GALNTL6: variants seen among roughly 807,000 people sequenced by gnomAD.
GALNTL6 encodes polypeptide N-acetylgalactosaminyltransferase like 6, also known as polypeptide N-acetylgalactosaminyltransferase-like 6.
GALNTL6 carries 46 observed loss-of-function variants against 73.7 expected under a neutral mutation model. The observed-to-expected ratio is 0.62, with a 90% CI of 0.49 to 0.80. GALNTL6 has a LOEUF of 0.80. GALNTL6 is among the 30% of genes least tolerant of loss of function. GALNTL6 has a pLI of 0.00. For synonymous variants in GALNTL6, 259 were observed against 263.7 expected (o/e 0.98, Z 0.17); for missense variants, 604 against 755.0 (o/e 0.80, Z 2.34).
chr4:172,239,740 CTT>C (rs751439189), intron 3 of GALNTL6, among the ~76,000 whole-genome samples: 37 of 152,198 alleles, frequency 2.4e-4, no homozygotes, highest in East Asian at 3.9e-4. Context: ...AAACTTTCCT[CTT>C]AATGCTGCGT....
Position 172,809,599 on chromosome 4 carries a change from G to C in GALNTL6, c.739+53G>C, listed in dbSNP as rs1741178509. The C allele has an allele frequency of 4.2e-6, 6 of 1,439,658 alleles. No homozygotes were observed. The highest frequency in any genetic ancestry group is 5.7e-6 in the Non-Finnish European group (6 of 1,060,298). The allele number at this position is 1,439,658 out of a possible 1,614,324, so 89.2% of individuals were successfully genotyped here. A position where few individuals can be genotyped will look rare whatever the true frequency, so the allele number is the denominator to read the frequency against. On this transcript the variant is annotated intron_variant, in intron 6 of 12. Transcript: ENST00000506823. This position sits in a 1 kb window ranked among gnomAD's most constrained non-coding sequence, Gnocchi z 4.4. ...TGGGATGCCTCAGGGGAACTGAGCG[G>C]TTTGCTTCTATTTAGTTTGCAATCA...
rs541425282 is a variant in GALNTL6, at chr4:172,644,730, G to A, written c.554-164631G>A. Among the ~76,000 whole-genome samples, 115 of 151,888 alleles carry A rather than the reference G, an allele frequency of 7.6e-4. 1 individual carries two copies. The South Asian group carries it at 0.016, about 21-fold the overall frequency. Reference sequence around the variant, plus strand: ...AGATATATGTGTCTGTATATGGAGCGAAAGAAACAAAAAGGGGGTGGGTGA... The same window carrying A: ...AGATATATGTGTCTGTATATGGAGCAAAAGAAACAAAAAGGGGGTGGGTGA... On this transcript the variant is annotated intron_variant, in intron 5 of 12. Transcript: ENST00000506823.
intron 5 of GALNTL6, among the ~76,000 whole-genome samples, chr4:172,439,172 T>TCACACACA (rs57281407): frequency 7.2e-4 from 105 of 145,728 alleles, no homozygotes; most frequent in East Asian, 5.7e-3. Context: ...TCTCTCCCCT[T>TCACACACA]CACACACACA....
chr4:172,145,105 G>A (rs997758076), intron 2 of GALNTL6, among the ~76,000 whole-genome samples: 1 of 151,910 alleles, frequency 6.6e-6, no homozygotes, highest in East Asian at 1.9e-4. Flanking sequence ...CCACAGCTGG[G>A]AGCCACCACA....
At chr4:172,112,995 T>C (rs998689936) in intron 2 of GALNTL6, among the ~76,000 whole-genome samples, 2 of 151,980 alleles carry the variant, frequency 1.3e-5, no homozygotes, top group African/African-American at 4.8e-5. Context: ...TGCTTTCCTA[T>C]TATAGAAAAC....
At chr4:172,664,210 C>T (rs1463672953) in intron 5 of GALNTL6, among the ~76,000 whole-genome samples, 7 of 152,102 alleles carry the variant, frequency 4.6e-5, no homozygotes, top group African/African-American at 1.7e-4. Flanking sequence ...TTCCAAAATT[C>T]TTGACTCCAT....
intron 5 of GALNTL6, among the ~76,000 whole-genome samples, chr4:172,616,975 A>G (rs1371416875): frequency 6.6e-6 from 1 of 152,156 alleles, no homozygotes; most frequent in East Asian, 1.9e-4. Context: ...TTCCCAGATA[A>G]AAAGTAATCT....
chr4:172,759,878 G>A (rs1474965582), intron 5 of GALNTL6, among the ~76,000 whole-genome samples: 1 of 126,094 alleles, frequency 7.9e-6, no homozygotes, highest in Non-Finnish European at 1.6e-5. Flanking sequence ...CGCCCAGGCC[G>A]GACTGCGGAC....
chr4:172,189,477 G>A (rs1442264586), intron 2 of GALNTL6, among the ~76,000 whole-genome samples: 9 of 152,060 alleles, frequency 5.9e-5, no homozygotes, highest in Non-Finnish European at 2.9e-5. Context: ...CTTTCAGTTT[G>A]GGGGAGTATT....
Position 173,009,296 on chromosome 4 carries a change from T to A in GALNTL6, c.1488+2T>A. 6.3e-7 allele frequency: 1 copy of A among 1,587,568 alleles called. No homozygotes were observed. The highest frequency in any genetic ancestry group is 8.7e-7 in the Non-Finnish European group (1 of 1,155,918). Reference sequence around the variant, plus strand: ...GAAAGAACATGGTCTCATGAACAGGTGAGTCACCTCCCAGAAGCCAGGGCA... The same window carrying A: ...GAAAGAACATGGTCTCATGAACAGGAGAGTCACCTCCCAGAAGCCAGGGCA... On this transcript the variant is annotated splice_donor_variant, in intron 11 of 12. Transcript: ENST00000506823. LOFTEE classifies it high-confidence loss of function.
rs757541750 is a variant in GALNTL6, at chr4:172,348,479, G to A, written c.387-44G>A. On this transcript the variant is annotated intron_variant, in intron 4 of 12. Transcript: ENST00000506823. Reference sequence around the variant, plus strand: ...ATAAACAACAGAATAAGATATACAAGAGTTTTGTATTTGACACACCATTTT... The same window carrying A: ...ATAAACAACAGAATAAGATATACAAAAGTTTTGTATTTGACACACCATTTT... 4.1e-6 allele frequency: 6 copies of A among 1,469,568 alleles called. No homozygotes were observed. In the South Asian group the frequency reaches 5.9e-5, roughly 15 times the overall value. 91.0% of individuals were successfully genotyped at this position (1,469,568 alleles called of 1,614,324 possible). A position where few individuals can be genotyped will look rare whatever the true frequency, so the allele number is the denominator to read the frequency against.
intron 5 of GALNTL6, among the ~76,000 whole-genome samples, chr4:172,434,435 CTA>C (rs1162672014): frequency 1.3e-5 from 2 of 152,026 alleles, no homozygotes; most frequent in African/African-American, 4.8e-5. Context: ...TTATTATTGA[CTA>C]TTACAGATTA....
At chr4:172,057,142 T>G (rs1232156717) in intron 2 of GALNTL6, among the ~76,000 whole-genome samples, 1 of 152,092 alleles carries the variant, frequency 6.6e-6, no homozygotes, top group East Asian at 1.9e-4. Flanking sequence ...GCATGGTGGC[T>G]TACACCTGTA....
intron 2 of GALNTL6, among the ~76,000 whole-genome samples, chr4:172,219,604 G>T (rs1736608675): frequency 6.6e-6 from 1 of 151,800 alleles, no homozygotes; most frequent in South Asian, 2.1e-4. Flanking sequence ...TCTACAATTT[G>T]TTGAACAAGA....
In GALNTL6 at chr4:172,363,349, C is replaced by T. The variant is rs141848637; in HGVS notation, c.553+14660C>T. 3.5e-3 allele frequency among the ~76,000 whole-genome samples: 533 copies of T among 152,256 alleles called. 2 individuals carry two copies. The highest frequency in any genetic ancestry group is 6.8e-3 in the Middle Eastern group (2 of 294). On this transcript the variant is annotated intron_variant, in intron 5 of 12. Coordinates refer to ENST00000506823, the MANE Select transcript of GALNTL6 (RefSeq NM_001034845.3). The stretch of plus-strand genomic sequence containing the variant: ...TTCCCTGAAACCCTCCCACCTGCCA[C>T]GTCAGGCTACGCCATTTACTGTGTG...
chr4:172,961,098 T>A (rs1359663486), intron 10 of GALNTL6, among the ~76,000 whole-genome samples: 1 of 33,608 alleles, frequency 3.0e-5, no homozygotes, highest in African/African-American at 1.3e-4. Flanking sequence ...GGAGAAGGGG[T>A]AGAGACATGG....
At chr4:172,593,977 A>G (rs568251600) in intron 5 of GALNTL6, among the ~76,000 whole-genome samples, 2 of 152,256 alleles carry the variant, frequency 1.3e-5, no homozygotes, top group South Asian at 4.1e-4. Flanking sequence ...TATCCCCTCC[A>G]TTATGCCACC....
intron 5 of GALNTL6, among the ~76,000 whole-genome samples, chr4:172,480,933 G>C (rs966063033): frequency 1.3e-5 from 2 of 152,174 alleles, no homozygotes; most frequent in South Asian, 4.1e-4. Context: ...CTTGGGCCTG[G>C]ACTCTCGGAA....
chr4:172,300,554 C>A (rs191891904), intron 3 of GALNTL6, among the ~76,000 whole-genome samples: 2,837 of 152,120 alleles, frequency 0.019, 78 homozygotes, highest in African/African-American at 0.063. Context: ...GAGCTCTTTT[C>A]GGGCAGGCCT....
Sources: allele counts gnomAD v4.1 joint callset (sites outside exome capture counted in the v4.1 genomes callset), GRCh38; gene constraint gnomAD v4.1.1; non-coding constraint Gnocchi (gnomAD v3.1); transcripts MANE v1.5; gene names NCBI Gene and HGNC (gene_info 2026-07-23, HGNC 2026-07-21).